AKAP11: variants seen among roughly 807,000 people sequenced by gnomAD.
AKAP11 encodes A-kinase anchor protein 11.
AKAP11 carries 36 observed loss-of-function variants against 146.1 expected under a neutral mutation model. That is an observed-to-expected ratio of 0.25 (90% CI 0.19 to 0.33). AKAP11 has a LOEUF of 0.33. Among genes scored for constraint, AKAP11 ranks in the 10% least tolerant of loss-of-function variants. The probability of loss-of-function intolerance (pLI) is 1.00; values close to 1 mark genes in which losing one functional copy is unlikely to be tolerated. For missense variants in AKAP11, 2,201 were observed against 2,197.0 expected (o/e 1.00, Z -0.04); for synonymous variants, 780 against 786.5 (o/e 0.99, Z 0.14).
chr13:42,309,382 A>G (rs1960441380), intron 9 of AKAP11, among the ~76,000 whole-genome samples: 1 of 152,190 alleles, frequency 6.6e-6, no homozygotes, highest in Admixed American at 6.5e-5. Flanking sequence ...TTCTTAGCAT[A>G]TTGCTGGTTT....
At position 42,301,986 on chromosome 13, in the gene AKAP11, A is replaced by C; in HGVS notation, c.3240A>C (p.Val1080=). Residue 1080 remains valine, a synonymous_variant, in exon 8 of 13, where the codon GTA becomes GTC. Coordinates refer to ENST00000025301, the MANE Select transcript of AKAP11 (RefSeq NM_016248.4). The stretch of plus-strand genomic sequence containing the variant: ...TCTCATCTACAGCACTTACCTGTGT[A>C]GATGGTTTGCATGTGGAAGATAAAC... ...HTFSSTALTC[V]DGLHVEDKQK... is the part of the protein sequence containing the mutation. 1.2e-6 allele frequency: 2 copies of C among 1,614,160 alleles called. No homozygotes were observed. Among genetic ancestry groups the C allele is most frequent in the Non-Finnish European group, 1.7e-6 (2 of 1,180,002 alleles).
intron 1 of AKAP11, among the ~76,000 whole-genome samples, chr13:42,281,744 T>A (rs1196861608): frequency 4.6e-5 from 7 of 152,142 alleles, no homozygotes; most frequent in African/African-American, 1.4e-4. Context: ...CATGTAGTTA[T>A]ACAGATTTTT....
At position 42,319,906 on chromosome 13, in the gene AKAP11, G is replaced by GGTGTGTGTGTGTGTGTGTGTGT. The variant is rs3038992; in HGVS notation, c.*701_*722dup. On this transcript the variant is annotated 3_prime_UTR_variant, in exon 13 of 13. Transcript: ENST00000025301. The stretch of plus-strand genomic sequence containing the variant: ...TGCTGCCAGTCATTCTGGCATGAAA[G>GGTGTGTGTGTGTGTGTGTGTGT]GTGTGTGTGTGTGTGTGTGTGTGTG... 1.2e-3 allele frequency: 157 copies of GGTGTGTGTGTGTGTGTGTGTGT among 132,744 alleles called. 1 individual carries two copies. The highest frequency in any genetic ancestry group is 3.1e-3 in the African/African-American group (114 of 36,566). The allele number at this position is 132,744 out of a possible 1,614,324, so 8.2% of individuals were successfully genotyped here.
At chr13:42,271,783 A>G (rs1022965775), upstream of AKAP11, among the ~76,000 whole-genome samples, 2 of 151,880 alleles carry the variant, frequency 1.3e-5, no homozygotes, top group African/African-American at 2.4e-5. Flanking sequence ...GTCGCCCTCG[A>G]ATTTAAAGCT....
Position 42,303,329 on chromosome 13 carries a change from A to G in AKAP11, c.4583A>G (p.Asn1528Ser), listed in dbSNP as rs1363499601. 2 of 1,612,526 alleles carry G rather than the reference A, an allele frequency of 1.2e-6. No homozygotes were observed. Among genetic ancestry groups the G allele is most frequent in the South Asian group, 1.1e-5 (1 of 91,092 alleles). The change falls in exon 8 of 13, where the codon AAT (asparagine) becomes AGT (serine). Residue 1528 changes from asparagine to serine, a missense_variant. This residue lies in a region of AKAP11 where 1,867 missense variants were observed against 1,833.5 expected (regional missense o/e 1.02). Coordinates refer to ENST00000025301, the MANE Select transcript of AKAP11 (RefSeq NM_016248.4). ...TTTTACCACAGCACTGGCAGTTTAA[A>G]TGGATATGGTTGTGGAGACAATGTT... ...HRFYHSTGSL[N>S]GYGCGDNVVQ...
intron 1 of AKAP11, among the ~76,000 whole-genome samples, chr13:42,274,124 T>C (rs1958852563): frequency 6.6e-6 from 1 of 152,212 alleles, no homozygotes; most frequent in African/African-American, 2.4e-5. Flanking sequence ...TTTTCAAAAG[T>C]AATTGAAGTA....
intron 10 of AKAP11, 147 bp downstream of exon 10, chr13:42,313,277 C>T: frequency 1.6e-6 from 1 of 620,730 alleles, no homozygotes; most frequent in Non-Finnish European, 2.7e-6. Flanking sequence ...TTGATGAATT[C>T]ACATCTAATG....
chr13:42,272,299 C>A (rs540511533), intron 1 of AKAP11, 71 bp downstream of exon 1: 1 of 152,400 alleles, frequency 6.6e-6, no homozygotes, highest in Non-Finnish European at 1.5e-5. Context: ...GTGCGGCCGG[C>A]ATGGATGGAG....
chr13:42,317,236 G>T (rs888872932), intron 11 of AKAP11, among the ~76,000 whole-genome samples: 2 of 151,910 alleles, frequency 1.3e-5, no homozygotes, highest in Admixed American at 1.3e-4. Flanking sequence ...CTAACCCACT[G>T]GTCATAATTT....
At chr13:42,313,265 G>A (rs1175801073) in intron 10 of AKAP11, 135 bp downstream of exon 10, 9 of 638,802 alleles carry the variant, frequency 1.4e-5, no homozygotes, top group Middle Eastern at 3.8e-4. Flanking sequence ...ACATGATTCT[G>A]CTTGATGAAT....
At chr13:42,315,184 T>TTAAC (rs1960761790) in intron 11 of AKAP11, among the ~76,000 whole-genome samples, 1 of 152,180 alleles carries the variant, frequency 6.6e-6, no homozygotes, top group Non-Finnish European at 1.5e-5. Flanking sequence ...TTCAGTTAGT[T>TTAAC]TAACACCTTG....
intron 8 of AKAP11, among the ~76,000 whole-genome samples, chr13:42,305,521 T>G (rs933228213): frequency 7.3e-5 from 11 of 151,020 alleles, no homozygotes; most frequent in Admixed American, 2.0e-4. Context: ...AGATTTCATG[T>G]TTTTTTTTAA....
intron 1 of AKAP11, among the ~76,000 whole-genome samples, chr13:42,284,455 A>G (rs1358370696): frequency 2.0e-5 from 3 of 152,212 alleles, no homozygotes; most frequent in Non-Finnish European, 4.4e-5. Context: ...GCTTTCTGGC[A>G]GTTGAGGAGA....
intron 8 of AKAP11, 49 bp downstream of exon 8, chr13:42,303,912 A>G (rs774124285): frequency 6.6e-7 from 1 of 1,512,596 alleles, no homozygotes. Flanking sequence ...AAAAAGATAA[A>G]TGTGATCCTA....
intron 9 of AKAP11, among the ~76,000 whole-genome samples, chr13:42,310,442 G>A (rs549548687): frequency 8.5e-5 from 13 of 152,328 alleles, no homozygotes; most frequent in African/African-American, 3.1e-4. Flanking sequence ...CAGTGCAGGT[G>A]ATTCAGAGAC....
chr13:42,310,856 CAAAA>C (rs34581714), intron 9 of AKAP11, among the ~76,000 whole-genome samples: 3 of 123,796 alleles, frequency 2.4e-5, no homozygotes, highest in Non-Finnish European at 3.5e-5. Context: ...CAGACTCCGT[CAAAA>C]AAAAAAAAAA....
chr13:42,300,976 CCTT>C lies in AKAP11; in HGVS notation c.2234_2236del (p.Ser745del), dbSNP rs1566275059. The stretch of plus-strand genomic sequence containing the variant: ...ATCGACACAGGCTGTCACGTTTTCC[CCTT>C]CTTTTCACAATCAAGCAATTATGGT... On this transcript the variant is annotated inframe_deletion, in exon 8 of 13. Transcript: ENST00000025301. 1.9e-6 allele frequency: 3 copies of C among 1,614,080 alleles called. No homozygotes were observed. The highest frequency in any genetic ancestry group is 3.3e-5 in the Admixed American group (2 of 60,002).
chr13:42,314,053 A>G, intron 11 of AKAP11, 113 bp downstream of exon 11: 1 of 1,024,248 alleles, frequency 9.8e-7, no homozygotes, highest in Non-Finnish European at 1.4e-6. Context: ...AAAACATTAT[A>G]AATCAGGGTA....
chr13:42,322,278 G>A lies in AKAP11; in HGVS notation c.*3050G>A, dbSNP rs1309309562. 6.6e-6 allele frequency: 1 copy of A among 152,140 alleles called. No individual in the cohort carries two copies. Among genetic ancestry groups the A allele is most frequent in the East Asian group, 1.9e-4 (1 of 5,330 alleles). 9.4% of individuals were successfully genotyped at this position (152,140 alleles called of 1,614,324 possible). On this transcript the variant is annotated 3_prime_UTR_variant, in exon 13 of 13. Coordinates refer to ENST00000025301, the MANE Select transcript of AKAP11 (RefSeq NM_016248.4). ...GCTCCAACAAGGGCTTTATGTTGCT[G>A]GTAAGAGAATTTATTTACTAAATGC...
Sources: gnomAD v4.1 joint callset for allele counts (sites outside exome capture counted in the v4.1 genomes callset) on GRCh38, gnomAD v4.1.1 for gene constraint, gnomAD v4.1.1 regional missense constraint, MANE v1.5 for transcripts, NCBI Gene and HGNC (gene_info 2026-07-23, HGNC 2026-07-21) for gene names.